TMEM116: variants seen among roughly 807,000 people sequenced by gnomAD.
TMEM116 encodes the protein transmembrane protein 116.
Under a neutral mutation model 44.3 loss-of-function variants are expected in TMEM116, and 38 were observed. The ratio of observed to expected loss-of-function variants is 0.86; its 90% CI spans 0.66 to 1.12. The LOEUF is 1.12. TMEM116 is among the 50% of genes most tolerant of loss of function. The pLI is 0.00. For missense variants in TMEM116, 354 were observed against 401.7 expected (o/e 0.88, Z 1.01); for synonymous variants, 132 against 144.8 (o/e 0.91, Z 0.64).
chr12:111,993,217 G>A (rs534426964), intron 3 of TMEM116: 1 of 407,992 alleles, frequency 2.5e-6, no homozygotes, highest in South Asian at 2.2e-5. Context: ...TTAGGTTGTG[G>A]TCTGACACAC....
Position 111,931,368 on chromosome 12 carries a change from G to A in TMEM116, c.*253C>T, listed in dbSNP as rs2071630907. On this transcript the variant is annotated 3_prime_UTR_variant, in exon 11 of 11. Coordinates refer to ENST00000552374, the MANE Select transcript of TMEM116 (RefSeq NM_001193531.2). ...AATCCAATATCCATCAAGGTAACAC[G>A]AGTCTATCTCTGAGATGGAAAGTGT... The A allele has an allele frequency of 2.0e-6, 1 of 487,922 alleles. No individual in the cohort carries two copies. Among genetic ancestry groups the A allele is most frequent in the South Asian group, 2.5e-5 (1 of 40,266 alleles). 30.2% of individuals were successfully genotyped at this position (487,922 alleles called of 1,614,324 possible). A position where few individuals can be genotyped will look rare whatever the true frequency, so the allele number is the denominator to read the frequency against.
chr12:111,966,136 T>C (rs1252614469), intron 4 of TMEM116, among the ~76,000 whole-genome samples: 1 of 151,842 alleles, frequency 6.6e-6, no homozygotes, highest in Non-Finnish European at 1.5e-5. Flanking sequence ...CAAAACCCTA[T>C]CTCCACTAAA....
chr12:111,946,454 T>C (rs1441806277), intron 4 of TMEM116, among the ~76,000 whole-genome samples: 1 of 152,220 alleles, frequency 6.6e-6, no homozygotes, highest in Admixed American at 6.5e-5. Context: ...AACAAAGAGA[T>C]GGGCTCTGGC....
rs143520321 is a variant in TMEM116, at chr12:111,960,709, C to T, written c.211-17340G>A. 6.0e-3 allele frequency among the ~76,000 whole-genome samples: 907 copies of T among 151,946 alleles called. 11 individuals are homozygous for T. Among genetic ancestry groups the T allele is most frequent in the African/African-American group, 0.02 (841 of 41,412 alleles). On this transcript the variant is annotated intron_variant, in intron 4 of 10. Coordinates refer to ENST00000552374, the MANE Select transcript of TMEM116 (RefSeq NM_001193531.2). ...AGAGGGAAATTTATAGCACTAAATG[C>T]CCACAGGAGGAAGCAAGAAAAATTT...
intron 1 of TMEM116, among the ~76,000 whole-genome samples, chr12:112,006,388 T>C (rs2077587763): frequency 6.6e-6 from 1 of 152,100 alleles, no homozygotes; most frequent in South Asian, 2.1e-4. Context: ...ATAAATGGGA[T>C]AGAAAGGAGG....
chr12:112,004,660 T>A (rs2077478869), intron 2 of TMEM116, among the ~76,000 whole-genome samples: 1 of 151,874 alleles, frequency 6.6e-6, no homozygotes, highest in Admixed American at 6.6e-5. Flanking sequence ...GCCAATCTTT[T>A]TTTTTTTTAA....
At chr12:111,942,101 G>A (rs1213515813) in intron 5 of TMEM116, among the ~76,000 whole-genome samples, 1 of 151,826 alleles carries the variant, frequency 6.6e-6, no homozygotes, top group East Asian at 1.9e-4. Flanking sequence ...ACCATGCCTG[G>A]CTAATTTTGT....
At chr12:111,987,600 A>T (rs115080607) in intron 4 of TMEM116, among the ~76,000 whole-genome samples, 1 of 152,160 alleles carries the variant, frequency 6.6e-6, no homozygotes, top group Non-Finnish European at 1.5e-5. Flanking sequence ...GCTGCCCAAC[A>T]TTACTAATGA....
intron 3 of TMEM116, chr12:111,993,786 T>C: frequency 2.7e-6 from 2 of 730,714 alleles, no homozygotes; most frequent in South Asian, 2.7e-5. Context: ...TTGTAGCAGG[T>C]TACATACCTG....
At chr12:111,954,163 T>A (rs1013392700) in intron 4 of TMEM116, among the ~76,000 whole-genome samples, 1 of 152,162 alleles carries the variant, frequency 6.6e-6, no homozygotes, top group African/African-American at 2.4e-5. Flanking sequence ...ACAATAATAA[T>A]GTTACATAAA....
chr12:111,940,754 C>T (rs2072746710), intron 5 of TMEM116, among the ~76,000 whole-genome samples: 1 of 151,934 alleles, frequency 6.6e-6, no homozygotes, highest in Non-Finnish European at 1.5e-5. Context: ...CTGCCAGGAG[C>T]TTAAGCCTCA....
chr12:111,962,894 G>A (rs985191845), intron 4 of TMEM116, among the ~76,000 whole-genome samples: 1 of 151,896 alleles, frequency 6.6e-6, no homozygotes, highest in African/African-American at 2.4e-5. Context: ...TAGAATGGGA[G>A]AAAATTTTTG....
At chr12:111,975,574 C>T (rs955417048) in intron 4 of TMEM116, among the ~76,000 whole-genome samples, 1 of 152,220 alleles carries the variant, frequency 6.6e-6, no homozygotes, top group African/African-American at 2.4e-5. Flanking sequence ...AAACGGTTTA[C>T]AGCTAAAATA....
Position 112,013,135 on chromosome 12 carries a change from G to T in TMEM116, c.-167C>A, listed in dbSNP as rs970033821. 3.2e-6 allele frequency: 1 copy of T among 309,850 alleles called. No homozygotes were observed. The highest frequency in any genetic ancestry group is 6.0e-6 in the Non-Finnish European group (1 of 166,682). The allele number at this position is 309,850 out of a possible 1,614,324, so 19.2% of individuals were successfully genotyped here. On this transcript the variant is annotated 5_prime_UTR_variant, in exon 1 of 11. Transcript: ENST00000552374. ...TATAGCGTCCCCATGCGCACTTGGC[G>T]CTTCTCCTCAAGCGGAGCAGGAACG...
intron 5 of TMEM116, among the ~76,000 whole-genome samples, chr12:111,939,053 A>T (rs2072433454): frequency 6.6e-6 from 1 of 151,878 alleles, no homozygotes; most frequent in South Asian, 2.1e-4. Context: ...GTTTTTTGTG[A>T]CCCCTCCCAC....
At chr12:111,946,428 C>T (rs1340181717) in intron 4 of TMEM116, among the ~76,000 whole-genome samples, 1 of 152,218 alleles carries the variant, frequency 6.6e-6, no homozygotes, top group East Asian at 1.9e-4. Context: ...TTACAGGAAA[C>T]AAACGGATGG....
At chr12:112,006,371 C>T (rs141875921) in intron 1 of TMEM116, among the ~76,000 whole-genome samples, 333 of 151,982 alleles carry the variant, frequency 2.2e-3, no homozygotes, top group Middle Eastern at 0.01. Flanking sequence ...AAGGGGTGGG[C>T]GGAGAAATAA....
intron 4 of TMEM116, among the ~76,000 whole-genome samples, chr12:111,984,240 A>T (rs1205471737): frequency 6.6e-6 from 1 of 151,976 alleles, no homozygotes; most frequent in East Asian, 1.9e-4. Context: ...ATTCAGCCAT[A>T]AAAAAAATGA....
chr12:111,998,238 C>G (rs1006408308), intron 3 of TMEM116, among the ~76,000 whole-genome samples: 2 of 152,170 alleles, frequency 1.3e-5, no homozygotes, highest in African/African-American at 4.8e-5. Context: ...GTATGTAAAA[C>G]TAGTCCTAAG....
Sources: allele counts gnomAD v4.1 joint callset (sites outside exome capture counted in the v4.1 genomes callset), GRCh38; gene constraint gnomAD v4.1.1; transcripts MANE v1.5; gene names NCBI Gene and HGNC (gene_info 2026-07-23, HGNC 2026-07-21).